The following CNGB3 variants were observed in gnomAD, a reference collection of about 807,000 sequenced individuals.
The protein encoded by CNGB3 is cyclic nucleotide-gated channel beta-3.
CNGB3 carries 86 observed loss-of-function variants against 92.8 expected under a neutral mutation model. The ratio of observed to expected loss-of-function variants is 0.93; its 90% confidence interval spans 0.78 to 1.11. CNGB3 has a LOEUF of 1.11. Ranked by LOEUF, CNGB3 falls within the 50% of genes least tolerant of loss-of-function variation. The probability of loss-of-function intolerance (pLI) is 0.00; values close to 1 mark genes in which losing one functional copy is unlikely to be tolerated. For missense variants in CNGB3, 1,026 were observed against 956.8 expected, an observed-to-expected ratio of 1.07 and a Z score of -0.95; for synonymous variants, 333 against 332.7, an observed-to-expected ratio of 1.00 and a Z score of -0.01.
At chr8:86,593,554 T>C (rs1156548348) in intron 15 of CNGB3, among the ~76,000 whole-genome samples, 1 of 152,202 alleles carries the variant, frequency 6.6e-6, no homozygotes, top group African/African-American at 2.4e-5. Flanking sequence ...TTGTTTTGTT[T>C]TGTTTTCTCT....
chr8:86,650,456 T>G (rs544835401), intron 7 of CNGB3, among the ~76,000 whole-genome samples: 1 of 151,314 alleles, frequency 6.6e-6, no homozygotes, highest in South Asian at 2.1e-4. Flanking sequence ...TCAGCCCAAT[T>G]CATAATTGCA....
intron 15 of CNGB3, among the ~76,000 whole-genome samples, chr8:86,589,747 C>A (rs1333706093): frequency 6.6e-6 from 1 of 151,776 alleles, no homozygotes; most frequent in Non-Finnish European, 1.5e-5. Flanking sequence ...CTGAGGAGAG[C>A]TTTACTTCCA....
intron 3 of CNGB3, among the ~76,000 whole-genome samples, chr8:86,691,136 T>C (rs1044349780): frequency 7.2e-5 from 11 of 152,174 alleles, no homozygotes; most frequent in Non-Finnish European, 1.3e-4. Context: ...TTTGCACCTG[T>C]TGTAAAAGGA....
intron 7 of CNGB3, among the ~76,000 whole-genome samples, chr8:86,649,922 C>T (rs1007072482): frequency 6.6e-6 from 1 of 151,548 alleles, no homozygotes; most frequent in East Asian, 1.9e-4. Flanking sequence ...TATCCAGAAT[C>T]TACAAGGAAC....
chr8:86,737,011 T>TC (rs1554619107), intron 2 of CNGB3, among the ~76,000 whole-genome samples: 4 of 152,050 alleles, frequency 2.6e-5, no homozygotes, highest in Non-Finnish European at 1.5e-5. Flanking sequence ...TGCTTTTTTT[T>TC]CCCCCTTTCT....
chr8:86,679,940 A>G (rs1285923644), intron 3 of CNGB3, among the ~76,000 whole-genome samples: 1 of 152,194 alleles, frequency 6.6e-6, no homozygotes, highest in Non-Finnish European at 1.5e-5. Context: ...TCTACTATCC[A>G]TCTACGAGGA....
intron 15 of CNGB3, among the ~76,000 whole-genome samples, chr8:86,589,857 G>T (rs1821987286): frequency 6.6e-6 from 1 of 151,994 alleles, no homozygotes; most frequent in Non-Finnish European, 1.5e-5. Context: ...TATTGGGTCT[G>T]CTTGGTGCAG....
At chr8:86,735,064 T>TTTTG (rs1825223939) in intron 2 of CNGB3, among the ~76,000 whole-genome samples, 1 of 145,754 alleles carries the variant, frequency 6.9e-6, no homozygotes, top group Non-Finnish European at 1.5e-5. Context: ...TTTTTTTTTT[T>TTTTG]TTTTTTGTAT....
At chr8:86,636,516 T>C (rs561669209) in intron 10 of CNGB3, among the ~76,000 whole-genome samples, 6 of 126,360 alleles carry the variant, frequency 4.7e-5, no homozygotes, top group African/African-American at 1.6e-4. Flanking sequence ...GAGGTTACAG[T>C]GAGCTGAGAT....
chr8:86,645,550 T>C (rs1823280442), intron 8 of CNGB3, among the ~76,000 whole-genome samples: 2 of 151,330 alleles, frequency 1.3e-5, no homozygotes, highest in South Asian at 4.1e-4. Flanking sequence ...CTTCAAATCA[T>C]AGACTCTTAC....
chr8:86,720,841 C>CACAT (rs1482817221), intron 3 of CNGB3, among the ~76,000 whole-genome samples: 8 of 21,150 alleles, frequency 3.8e-4, no homozygotes, highest in Non-Finnish European at 6.6e-4. Flanking sequence ...TATATGTATA[C>CACAT]ACACACACAC....
intron 12 of CNGB3, among the ~76,000 whole-genome samples, chr8:86,628,009 C>T (rs540140958): frequency 2.0e-5 from 3 of 152,144 alleles, no homozygotes; most frequent in African/African-American, 7.2e-5. Context: ...AGTTCTTTTC[C>T]TTATAATTTT....
At chr8:86,677,628 G>A (rs1457844187) in intron 3 of CNGB3, among the ~76,000 whole-genome samples, 2 of 152,062 alleles carry the variant, frequency 1.3e-5, no homozygotes, top group African/African-American at 2.4e-5. Flanking sequence ...CATAAGAAAA[G>A]GAACTGAGAA....
intron 3 of CNGB3, among the ~76,000 whole-genome samples, chr8:86,696,457 A>G (rs570411286): frequency 2.0e-5 from 3 of 152,276 alleles, no homozygotes; most frequent in African/African-American, 7.2e-5. Context: ...TGGCATCTGC[A>G]GTGACAAGCC....
At chr8:86,691,771 G>C (rs556966466) in intron 3 of CNGB3, among the ~76,000 whole-genome samples, 62 of 152,156 alleles carry the variant, frequency 4.1e-4, no homozygotes, top group African/African-American at 1.4e-3. Flanking sequence ...GCTGGGTTGT[G>C]GGTTGGTTTG....
chr8:86,678,891 A>G (rs753272261), intron 3 of CNGB3, among the ~76,000 whole-genome samples: 3 of 152,218 alleles, frequency 2.0e-5, no homozygotes, highest in African/African-American at 7.2e-5. Context: ...AAAAGAATGA[A>G]TAAACATATC....
chr8:86,611,512 A>G, intron 14 of CNGB3, 76 bp downstream of exon 14: 1 of 1,216,548 alleles, frequency 8.2e-7, no homozygotes, highest in Non-Finnish European at 1.2e-6. Context: ...TTTTGTTTAA[A>G]CAATGTTCTT....
intron 13 of CNGB3, among the ~76,000 whole-genome samples, chr8:86,615,371 G>A (rs1314152469): frequency 6.6e-6 from 1 of 152,152 alleles, no homozygotes; most frequent in Non-Finnish European, 1.5e-5. Flanking sequence ...TGGAGGCTGA[G>A]GTGGGTGGAT....
rs980214394 is a variant in CNGB3, at chr8:86,661,911, T to C, written c.852+5014A>G. ...AAACCATATTGGTGAAAAAGATGGATAGGATTCTTGGAATCTCTAGGCACG... is the reference window on the plus strand; with the variant it reads ...AAACCATATTGGTGAAAAAGATGGACAGGATTCTTGGAATCTCTAGGCACG... On this transcript the variant is annotated intron_variant, in intron 6 of 17. Coordinates refer to ENST00000320005, the MANE Select transcript of CNGB3 (RefSeq NM_019098.5). 3 of 794,744 alleles carry C rather than the reference T, an allele frequency of 3.8e-6. No homozygotes were observed. The Admixed American group carries it at 5.6e-5, about 15-fold the overall frequency. The allele number at this position is 794,744 out of a possible 1,614,324, so 49.2% of individuals were successfully genotyped here. A position where few individuals can be genotyped will look rare whatever the true frequency, so the allele number is the denominator to read the frequency against.
Sources: allele counts gnomAD v4.1 joint callset (sites outside exome capture counted in the v4.1 genomes callset), GRCh38; gene constraint gnomAD v4.1.1; transcripts MANE v1.5; gene names NCBI Gene and HGNC (gene_info 2026-07-23, HGNC 2026-07-21).